Variants in PLPP4 observed in about 807,000 individuals in gnomAD.
PLPP4 encodes the protein diacylglycerol pyrophosphate like 2.
In PLPP4, 20 loss-of-function variants were observed where a neutral mutation model predicts 32.2. The ratio of observed to expected loss-of-function variants is 0.62; its 90% CI spans 0.44 to 0.90. PLPP4 has a LOEUF of 0.90. Ranked by LOEUF, PLPP4 falls within the 40% of genes least tolerant of loss-of-function variation. The pLI is 0.00. For synonymous variants in PLPP4, 127 were observed against 133.0 expected (o/e 0.95, Z 0.31); for missense variants, 257 against 353.1 (o/e 0.73, Z 2.18).
rs552109872 is a variant in PLPP4 at position 120,575,799 on chromosome 10, A to G, written c.616+498A>G. Among the ~76,000 whole-genome samples the G allele has an allele frequency of 3.0e-4, 46 of 152,320 alleles. No individual in the cohort carries two copies. In the South Asian group the frequency reaches 9.3e-3, roughly 31 times the overall value. On this transcript the variant is annotated intron_variant, in intron 6 of 6. Coordinates refer to ENST00000398250, the MANE Select transcript of PLPP4 (RefSeq NM_001030059.3). Reference sequence around the variant, plus strand: ...AGCCTGGGGTGAGGTTTGCCTATATATATACATATATCAGTCCTGGGGTAT... The same window carrying G: ...AGCCTGGGGTGAGGTTTGCCTATATGTATACATATATCAGTCCTGGGGTAT...
intron 1 of PLPP4, among the ~76,000 whole-genome samples, chr10:120,475,708 A>C (rs2133804136): frequency 6.6e-6 from 1 of 152,248 alleles, no homozygotes; most frequent in East Asian, 1.9e-4. Flanking sequence ...ATTTTATTCT[A>C]AGTATCGGGA....
chr10:120,529,970 C>T (rs1846624195), intron 5 of PLPP4, among the ~76,000 whole-genome samples: 1 of 151,976 alleles, frequency 6.6e-6, no homozygotes, highest in Non-Finnish European at 1.5e-5. Flanking sequence ...AACAAAAATC[C>T]AATGCCTCTT....
At position 120,589,597 on chromosome 10, in the gene PLPP4, A is replaced by T; in HGVS notation, c.*95A>T. On this transcript the variant is annotated 3_prime_UTR_variant, in exon 7 of 7. Coordinates refer to ENST00000398250, the MANE Select transcript of PLPP4 (RefSeq NM_001030059.3). ...AATGGTTTTCTGTAGTGTATTTTTC[A>T]TCAGTTGTTTCTCAAAGTCATCGTA... 2.0e-6 allele frequency: 2 copies of T among 976,452 alleles called. No individual in the cohort carries two copies. The highest frequency in any genetic ancestry group is 3.0e-6 in the Non-Finnish European group (2 of 666,534). The allele number at this position is 976,452 out of a possible 1,614,324, so 60.5% of individuals were successfully genotyped here.
intron 1 of PLPP4, among the ~76,000 whole-genome samples, chr10:120,470,621 C>T (rs959773666): frequency 1.3e-5 from 2 of 152,068 alleles, no homozygotes; most frequent in Admixed American, 1.3e-4. Flanking sequence ...AATGGTTTGT[C>T]GGTTATGGAA....
At chr10:120,514,059 C>T in intron 3 of PLPP4, 58 bp downstream of exon 3, 1 of 1,280,396 alleles carries the variant, frequency 7.8e-7, no homozygotes, top group South Asian at 1.2e-5. Flanking sequence ...TAGATGATCA[C>T]ATTTAAGAAA....
At position 120,503,901 on chromosome 10, in the gene PLPP4, A is replaced by G. The variant is rs772232346; in HGVS notation, c.140A>G (p.Asp47Gly). ...WLYKNPLVQS[D>G]NIPTRLMFAI... is the part of the protein sequence containing the mutation. ...TATAAAAATCCTTTGGTGCAATCAG[A>G]TAACATACCTACCCGCCTCATGTTT... is the stretch of plus-strand genomic sequence containing the variant. Residue 47 changes from aspartate (D) to glycine (G), a missense_variant, in exon 2 of 7, where the codon GAT (aspartate) becomes GGT (glycine). Transcript: ENST00000398250. 1 of 1,610,882 alleles carries G rather than the reference A, an allele frequency of 6.2e-7. No individual in the cohort carries two copies. Among genetic ancestry groups the G allele is most frequent in the Non-Finnish European group, 8.5e-7 (1 of 1,177,096 alleles).
intron 5 of PLPP4, among the ~76,000 whole-genome samples, chr10:120,538,675 C>T (rs1795060574): frequency 6.6e-6 from 1 of 152,134 alleles, no homozygotes; most frequent in African/African-American, 2.4e-5. Flanking sequence ...GTCCTTCTCC[C>T]CTCCTCCTTA....
At chr10:120,494,618 G>T (rs1257618497) in intron 1 of PLPP4, among the ~76,000 whole-genome samples, 1 of 152,184 alleles carries the variant, frequency 6.6e-6, no homozygotes, top group East Asian at 1.9e-4. Flanking sequence ...AGCTGTTCCT[G>T]GTCCAGTCCT....
intron 5 of PLPP4, among the ~76,000 whole-genome samples, chr10:120,528,353 C>G (rs946030243): frequency 1.3e-5 from 2 of 152,100 alleles, no homozygotes; most frequent in Non-Finnish European, 2.9e-5. Context: ...GGATTACAGA[C>G]GTGAGCCACC....
intron 3 of PLPP4, 25 bp downstream of exon 3, chr10:120,514,026 T>C: frequency 6.6e-7 from 1 of 1,509,850 alleles, no homozygotes; most frequent in Non-Finnish European, 9.2e-7. Flanking sequence ...GTTCCTGCTT[T>C]AGGGAATGGG....
intron 5 of PLPP4, among the ~76,000 whole-genome samples, chr10:120,572,362 G>GA (rs1848984094): frequency 6.6e-6 from 1 of 152,224 alleles, no homozygotes; most frequent in Non-Finnish European, 1.5e-5. Flanking sequence ...GATGTGCCCG[G>GA]AGGTGCTGTA....
chr10:120,478,824 C>T (rs1844052610), intron 1 of PLPP4, among the ~76,000 whole-genome samples: 3 of 152,184 alleles, frequency 2.0e-5, no homozygotes, highest in Admixed American at 1.3e-4. Flanking sequence ...GTGTTGGACA[C>T]CCAGTTTTTA....
intron 1 of PLPP4, among the ~76,000 whole-genome samples, chr10:120,466,888 C>T (rs957547271): frequency 6.6e-6 from 1 of 152,042 alleles, no homozygotes; most frequent in Non-Finnish European, 1.5e-5. Context: ...TCCCTCCTTC[C>T]TAGAACTGAG....
intron 6 of PLPP4, among the ~76,000 whole-genome samples, chr10:120,575,755 G>T (rs1849193106): frequency 6.6e-6 from 1 of 152,112 alleles, no homozygotes; most frequent in South Asian, 2.1e-4. Flanking sequence ...TTCCAGTAAT[G>T]CTCCAAGCAG....
At chr10:120,509,953 C>A (rs1326531313) in intron 2 of PLPP4, among the ~76,000 whole-genome samples, 1 of 152,150 alleles carries the variant, frequency 6.6e-6, no homozygotes, top group African/African-American at 2.4e-5. Flanking sequence ...AAGTGCAGAG[C>A]CTAATTTAGA....
rs562457138 is a variant in PLPP4 at position 120,507,364 on chromosome 10, C to G, written c.165+3438C>G. Among the ~76,000 whole-genome samples the G allele has an allele frequency of 5.3e-5, 8 of 151,394 alleles. 1 individual carries two copies. The South Asian group carries it at 1.5e-3, about 28-fold the overall frequency. On this transcript the variant is annotated intron_variant, in intron 2 of 6. Coordinates refer to ENST00000398250, the MANE Select transcript of PLPP4 (RefSeq NM_001030059.3). Reference sequence around the variant, plus strand: ...AGTTCTTCATCATCATCATCATTATCATCATCATCATCATCATCATCATTA... The same window carrying G: ...AGTTCTTCATCATCATCATCATTATGATCATCATCATCATCATCATCATTA...
chr10:120,475,518 C>G (rs1843860453), intron 1 of PLPP4, among the ~76,000 whole-genome samples: 1 of 152,204 alleles, frequency 6.6e-6, no homozygotes, highest in Admixed American at 6.5e-5. Context: ...TTCATTACAA[C>G]AAACTCTTGC....
intron 1 of PLPP4, among the ~76,000 whole-genome samples, chr10:120,501,638 A>G (rs539813415): frequency 2.0e-5 from 3 of 152,298 alleles, no homozygotes; most frequent in Non-Finnish European, 2.9e-5. Context: ...TGGCTGGAAG[A>G]GTTGTTAATG....
intron 1 of PLPP4, among the ~76,000 whole-genome samples, chr10:120,493,594 G>A (rs1844817873): frequency 6.6e-6 from 1 of 152,176 alleles, no homozygotes; most frequent in African/African-American, 2.4e-5. Context: ...CCTGGGAGCT[G>A]GATAGATGGA....
Sources: allele counts gnomAD v4.1 joint callset (sites outside exome capture counted in the v4.1 genomes callset), GRCh38; gene constraint gnomAD v4.1.1; transcripts MANE v1.5; gene names NCBI Gene and HGNC (gene_info 2026-07-23, HGNC 2026-07-21).